Variants in SSH2 observed in about 807,000 individuals in gnomAD.
SSH2 encodes the protein slingshot protein phosphatase 2.
Under a neutral mutation model 135.2 loss-of-function variants are expected in SSH2, and 37 were observed. That is an observed-to-expected ratio of 0.27 (90% CI 0.21 to 0.36). SSH2 has a LOEUF of 0.36. SSH2 is among the 10% of genes least tolerant of loss of function. The probability of loss-of-function intolerance (pLI) is 1.00; values close to 1 mark genes in which losing one functional copy is unlikely to be tolerated. For synonymous variants in SSH2, 628 were observed against 646.2 expected (o/e 0.97, Z 0.43); for missense variants, 1,408 against 1,765.3 (o/e 0.80, Z 3.63).
Position 29,636,445 on chromosome 17 carries a change from G to T in SSH2, c.1785C>A (p.Asp595Glu). 6.2e-7 allele frequency: 1 copy of T among 1,614,194 alleles called. No homozygotes were observed. Among genetic ancestry groups the T allele is most frequent in the Non-Finnish European group, 8.5e-7 (1 of 1,180,036 alleles). Residue 595 changes from aspartate to glutamate, a missense_variant, in exon 15 of 16, where the codon GAC (aspartate) becomes GAA (glutamate). Transcript: ENST00000540801. ...CCLNESKFPLDNCHASKALIQ... is the reference protein window; with the variant it reads ...CCLNESKFPLENCHASKALIQ... ...TTAAGGCTTTGGATGCATGGCAATTGTCAAGAGGAAATTTTGATTCATTCA... is the reference window on the plus strand; with the variant it reads ...TTAAGGCTTTGGATGCATGGCAATTTTCAAGAGGAAATTTTGATTCATTCA...
chr17:29,752,772 T>C (rs1330731786), intron 3 of SSH2, among the ~76,000 whole-genome samples: 1 of 142,900 alleles, frequency 7.0e-6, no homozygotes, highest in African/African-American at 2.6e-5. Flanking sequence ...TCAGAATATA[T>C]AGAGAACATA....
chr17:29,901,059 C>T (rs1334302349), intron 1 of SSH2, among the ~76,000 whole-genome samples: 3 of 151,974 alleles, frequency 2.0e-5, no homozygotes, highest in Non-Finnish European at 2.9e-5. Context: ...TGTTCTCACT[C>T]ATAGGTGGGA....
chr17:29,921,212 G>C (rs1468148324), intron 1 of SSH2, among the ~76,000 whole-genome samples: 1 of 152,100 alleles, frequency 6.6e-6, no homozygotes, highest in Non-Finnish European at 1.5e-5. Flanking sequence ...TATTTTCTTG[G>C]TAAAATCAAG....
chr17:29,815,462 T>C (rs1447649953), intron 2 of SSH2, among the ~76,000 whole-genome samples: 1 of 152,146 alleles, frequency 6.6e-6, no homozygotes, highest in Non-Finnish European at 1.5e-5. Context: ...GGTTTTGCCA[T>C]GTTGGCCAGG....
intron 3 of SSH2, among the ~76,000 whole-genome samples, chr17:29,724,549 A>AAAC (rs1555620996): frequency 2.7e-5 from 4 of 148,162 alleles, no homozygotes; most frequent in Non-Finnish European, 6.0e-5. Context: ...AAAAAAAACA[A>AAAC]AACCCTATTC....
At chr17:29,778,033 GA>G (rs200810189) in intron 3 of SSH2, among the ~76,000 whole-genome samples, 186 of 138,514 alleles carry the variant, frequency 1.3e-3, no homozygotes, top group Admixed American at 6.0e-3. Flanking sequence ...TCCCCTACTA[GA>G]AAAAAAAAAA....
intron 1 of SSH2, among the ~76,000 whole-genome samples, chr17:29,898,419 T>C (rs1252549808): frequency 2.6e-5 from 4 of 151,862 alleles, no homozygotes; most frequent in African/African-American, 7.2e-5. Context: ...AAGAATCAAA[T>C]AGACACAATA....
intron 3 of SSH2, among the ~76,000 whole-genome samples, chr17:29,742,791 G>A (rs2040613817): frequency 1.3e-5 from 2 of 149,090 alleles, no homozygotes; most frequent in African/African-American, 5.0e-5. Context: ...TGCCCACCAT[G>A]CCCAGCTAAT....
Position 29,635,341 on chromosome 17 carries a change from C to T in SSH2, c.2262+627G>A, listed in dbSNP as rs116672853. Among the ~76,000 whole-genome samples, 688 of 152,322 alleles carry T rather than the reference C, an allele frequency of 4.5e-3. 7 individuals carry two copies. The highest frequency in any genetic ancestry group is 0.016 in the African/African-American group (656 of 41,568). On this transcript the variant is annotated intron_variant, in intron 15 of 15. Transcript: ENST00000540801. ...TATCTTCTCAGAGACACAGCTCTCA[C>T]TCAGGCAGCATCTGAGTCCCTGGCA... is the stretch of plus-strand genomic sequence containing the variant.
chr17:29,876,956 T>C (rs376377972), intron 1 of SSH2, among the ~76,000 whole-genome samples: 1 of 151,822 alleles, frequency 6.6e-6, no homozygotes, highest in South Asian at 2.1e-4. Flanking sequence ...AGAAAATATA[T>C]GCAAACTACC....
At chr17:29,908,362 G>A (rs528726065) in intron 1 of SSH2, among the ~76,000 whole-genome samples, 21 of 152,192 alleles carry the variant, frequency 1.4e-4, no homozygotes, top group African/African-American at 4.6e-4. Context: ...GGAGGCTGAC[G>A]TAGGAGGATC....
At chr17:29,849,462 G>A (rs2065508856) in intron 1 of SSH2, among the ~76,000 whole-genome samples, 4 of 136,776 alleles carry the variant, frequency 2.9e-5, no homozygotes, top group Admixed American at 2.3e-4. Context: ...CTGGGCGACA[G>A]AGCGAGACTC....
At chr17:29,786,746 G>GT (rs1235738783) in intron 3 of SSH2, among the ~76,000 whole-genome samples, 2 of 152,146 alleles carry the variant, frequency 1.3e-5, no homozygotes, top group African/African-American at 4.8e-5. Context: ...GAGCCCAGCA[G>GT]TTTGAGACCA....
rs142032070 is a variant in SSH2 at position 29,731,417 on chromosome 17, TTTTATTTATTTATTTA to T, written c.189-28371_189-28356del. ...CTAGGTTTTTCATAGCAGAAGTATT[TTTTATTTATTTATTTA>T]TTTATTTATTTATTTATTTATTTAT... On this transcript the variant is annotated intron_variant, in intron 3 of 15. Coordinates refer to ENST00000540801, the MANE Select transcript of SSH2 (RefSeq NM_001282129.2). Among the ~76,000 whole-genome samples the T allele has an allele frequency of 6.4e-3, 766 of 119,736 alleles. 8 individuals are homozygous for T. Among genetic ancestry groups the T allele is most frequent in the Admixed American group, 0.012 (146 of 11,758 alleles). 78.6% of individuals were successfully genotyped at this position (119,736 alleles called of 152,430 possible).
intron 1 of SSH2, among the ~76,000 whole-genome samples, chr17:29,889,363 T>C (rs2066303388): frequency 6.6e-6 from 1 of 152,086 alleles, no homozygotes; most frequent in Non-Finnish European, 1.5e-5. Context: ...GAAGAATTGC[T>C]TGAACCTGGG....
intron 1 of SSH2, among the ~76,000 whole-genome samples, chr17:29,859,450 C>T (rs1336611090): frequency 6.6e-6 from 1 of 152,138 alleles, no homozygotes; most frequent in Non-Finnish European, 1.5e-5. Context: ...CTTCTTTGCA[C>T]CCTCCACTCT....
At chr17:29,836,275 T>A (rs1048655346) in intron 2 of SSH2, among the ~76,000 whole-genome samples, 1 of 152,192 alleles carries the variant, frequency 6.6e-6, no homozygotes, top group Non-Finnish European at 1.5e-5. Flanking sequence ...TTCTTGAACA[T>A]CCTTTATCTA....
At chr17:29,711,034 G>T (rs1411775366) in intron 3 of SSH2, among the ~76,000 whole-genome samples, 1 of 152,184 alleles carries the variant, frequency 6.6e-6, no homozygotes, top group East Asian at 1.9e-4. Flanking sequence ...ACATGCCTCT[G>T]AATGCAAGAG....
intron 2 of SSH2, among the ~76,000 whole-genome samples, chr17:29,816,248 CA>C (rs1221283261): frequency 6.6e-6 from 1 of 152,114 alleles, no homozygotes; most frequent in Non-Finnish European, 1.5e-5. Flanking sequence ...AGTTTATTCT[CA>C]GAGCATCAAA....
Sources: allele counts gnomAD v4.1 joint callset (sites outside exome capture counted in the v4.1 genomes callset), GRCh38; gene constraint gnomAD v4.1.1; transcripts MANE v1.5; gene names NCBI Gene and HGNC (gene_info 2026-07-23, HGNC 2026-07-21).